Variants in NAALADL2 observed in about 807,000 individuals in gnomAD.
NAALADL2 encodes inactive N-acetylated-alpha-linked acidic dipeptidase-like protein 2.
In NAALADL2, 76 loss-of-function variants were observed where a neutral mutation model predicts 87.2. The observed-to-expected ratio is 0.87, with a 90% CI of 0.72 to 1.05. NAALADL2 has a LOEUF of 1.05. NAALADL2 is among the 50% of genes least tolerant of loss of function. The pLI, the probability that NAALADL2 is intolerant of heterozygous loss-of-function variation, is 0.00. For synonymous variants in NAALADL2, 354 were observed against 331.0 expected (o/e 1.07, Z -0.75); for missense variants, 1,089 against 945.8 (o/e 1.15, Z -1.99).
intron 1 of NAALADL2, among the ~76,000 whole-genome samples, chr3:174,465,401 A>G (rs1242817555): frequency 6.6e-6 from 1 of 152,186 alleles, no homozygotes; most frequent in East Asian, 1.9e-4. Flanking sequence ...GTTCGTATTC[A>G]CTTATGTTTA....
chr3:174,838,418 C>A (rs970334990), intron 3 of NAALADL2, among the ~76,000 whole-genome samples: 2 of 152,156 alleles, frequency 1.3e-5, no homozygotes, highest in Non-Finnish European at 2.9e-5. Flanking sequence ...AAATCATTCC[C>A]TGTGAGAAAT....
At chr3:174,841,660 GT>G (rs1190973252) in intron 3 of NAALADL2, among the ~76,000 whole-genome samples, 2 of 152,128 alleles carry the variant, frequency 1.3e-5, no homozygotes, top group Non-Finnish European at 2.9e-5. Flanking sequence ...ATTTCAAGAT[GT>G]TTTGAGGAAA....
At chr3:175,606,072 G>A (rs944765007) in intron 10 of NAALADL2, among the ~76,000 whole-genome samples, 1 of 152,152 alleles carries the variant, frequency 6.6e-6, no homozygotes, top group African/African-American at 2.4e-5. Flanking sequence ...CTACGATGTT[G>A]TATGTCCTCA....
intron 2 of NAALADL2, among the ~76,000 whole-genome samples, chr3:174,708,723 T>G (rs1730349082): frequency 6.6e-6 from 1 of 152,190 alleles, no homozygotes; most frequent in South Asian, 2.1e-4. Flanking sequence ...ACAATGACCT[T>G]TTCAGGTTTC....
At chr3:174,449,584 A>ATTTTTTT (rs1715325796) in intron 1 of NAALADL2, among the ~76,000 whole-genome samples, 3 of 152,192 alleles carry the variant, frequency 2.0e-5, no homozygotes, top group Non-Finnish European at 4.4e-5. Flanking sequence ...AACAGTATAA[A>ATTTTTTT]TGTATTGTCA....
Position 174,470,577 on chromosome 3 carries a change from C to A in NAALADL2, c.-184+29545C>A, listed in dbSNP as rs77317060. Among the ~76,000 whole-genome samples the A allele has an allele frequency of 6.1e-3, 921 of 152,162 alleles. 9 individuals are homozygous for A. The highest frequency in any genetic ancestry group is 0.02 in the African/African-American group (851 of 41,526). ...AGATCAATGTCTAGAATGGTATTTCCTAGGTCTCCTTCTGGGACTTTTATA... is the reference window on the plus strand; with the variant it reads ...AGATCAATGTCTAGAATGGTATTTCATAGGTCTCCTTCTGGGACTTTTATA... On this transcript the variant is annotated intron_variant, in intron 1 of 3. Transcript: ENST00000434257.
intron 3 of NAALADL2, among the ~76,000 whole-genome samples, chr3:174,755,024 G>GA (rs1343802561): frequency 6.6e-6 from 1 of 152,174 alleles, no homozygotes; most frequent in Non-Finnish European, 1.5e-5. Context: ...ATCTCGTCTT[G>GA]AATTATAATC....
chr3:174,963,955 TATC>T (rs1489229556), intron 1 of NAALADL2, among the ~76,000 whole-genome samples: 4 of 152,102 alleles, frequency 2.6e-5, no homozygotes, highest in African/African-American at 9.7e-5. Context: ...AGGTCAAAAT[TATC>T]ATAAGGAATC....
intron 1 of NAALADL2, among the ~76,000 whole-genome samples, chr3:174,466,140 A>G (rs1437691748): frequency 6.6e-6 from 1 of 152,210 alleles, no homozygotes; most frequent in Non-Finnish European, 1.5e-5. Context: ...ATTTCAGCAC[A>G]TAGTCAGTAG....
At chr3:175,036,313 A>G (rs766419400) in intron 1 of NAALADL2, among the ~76,000 whole-genome samples, 23 of 152,192 alleles carry the variant, frequency 1.5e-4, no homozygotes, top group Non-Finnish European at 3.4e-4. Context: ...TTTAAAAATA[A>G]CAAAATAATA....
At chr3:175,087,244 C>A (rs1465292478) in intron 1 of NAALADL2, among the ~76,000 whole-genome samples, 1 of 152,064 alleles carries the variant, frequency 6.6e-6, no homozygotes, top group Non-Finnish European at 1.5e-5. Context: ...AGGTGGGGGG[C>A]AGCCCCTGCC....
chr3:174,723,921 A>T (rs961865490), intron 2 of NAALADL2, among the ~76,000 whole-genome samples: 1 of 152,032 alleles, frequency 6.6e-6, no homozygotes, highest in Non-Finnish European at 1.5e-5. Flanking sequence ...ACGTATGGTC[A>T]TTGTGTAAAT....
In NAALADL2 at chr3:175,364,731, A is replaced by C. The variant is rs181335099; in HGVS notation, c.1090+40406A>C. Reference sequence around the variant, plus strand: ...ACCCTTTTTTTTGAGTCAAGTATAAAATGGCAGATAAATGTATTGCCTTAC... The same window carrying C: ...ACCCTTTTTTTTGAGTCAAGTATAACATGGCAGATAAATGTATTGCCTTAC... On this transcript the variant is annotated intron_variant, in intron 5 of 13. Coordinates refer to ENST00000454872, the MANE Select transcript of NAALADL2 (RefSeq NM_207015.3). Among the ~76,000 whole-genome samples, 76 of 147,536 alleles carry C rather than the reference A, an allele frequency of 5.2e-4. 2 individuals are homozygous for C. The highest frequency in any genetic ancestry group is 3.5e-3 in the Middle Eastern group (1 of 286).
At chr3:175,103,040 C>T (rs544762527) in intron 2 of NAALADL2, among the ~76,000 whole-genome samples, 64 of 143,268 alleles carry the variant, frequency 4.5e-4, no homozygotes, top group Non-Finnish European at 7.2e-4. Flanking sequence ...ACCCAGGAGG[C>T]GGAGGTTGCA....
At chr3:175,260,216 G>A (rs1173563105) in intron 4 of NAALADL2, among the ~76,000 whole-genome samples, 1 of 152,048 alleles carries the variant, frequency 6.6e-6, no homozygotes, top group Non-Finnish European at 1.5e-5. Context: ...TAAAGATCCT[G>A]ATATCATTTT....
intron 2 of NAALADL2, among the ~76,000 whole-genome samples, chr3:175,159,273 T>C (rs1487479480): frequency 6.6e-6 from 1 of 152,158 alleles, no homozygotes; most frequent in Non-Finnish European, 1.5e-5. Context: ...TAAAGGAAAG[T>C]CTTGGGTTTG....
intron 2 of NAALADL2, among the ~76,000 whole-genome samples, chr3:174,724,568 G>T (rs1732009201): frequency 6.6e-6 from 1 of 152,002 alleles, no homozygotes; most frequent in Non-Finnish European, 1.5e-5. Flanking sequence ...CAAATAGAAA[G>T]GGATTTAGAA....
chr3:175,651,076 T>C (rs1219015357), intron 11 of NAALADL2, among the ~76,000 whole-genome samples: 1 of 152,212 alleles, frequency 6.6e-6, no homozygotes, highest in African/African-American at 2.4e-5. Context: ...TTGTGTAGCT[T>C]ATGAGTATTA....
intron 1 of NAALADL2, among the ~76,000 whole-genome samples, chr3:174,878,194 G>A (rs1728737707): frequency 6.6e-6 from 1 of 152,070 alleles, no homozygotes; most frequent in Non-Finnish European, 1.5e-5. Context: ...ATTTCATAAA[G>A]TATTTTGAGA....
Sources: allele counts gnomAD v4.1 joint callset (sites outside exome capture counted in the v4.1 genomes callset), GRCh38; gene constraint gnomAD v4.1.1; transcripts MANE v1.5; gene names NCBI Gene and HGNC (gene_info 2026-07-23, HGNC 2026-07-21).